The following PCM1 variants were observed in gnomAD, a reference collection of about 807,000 sequenced individuals.
PCM1 encodes the protein pericentriolar material 1 protein.
Under a neutral mutation model 241.9 loss-of-function variants are expected in PCM1, and 157 were observed. The observed-to-expected ratio is 0.65, with a 90% CI of 0.57 to 0.74. The LOEUF is 0.74. PCM1 is among the 30% of genes least tolerant of loss of function. The pLI, the probability that PCM1 is intolerant of heterozygous loss-of-function variation, is 0.00. For missense variants in PCM1, 3,478 were observed against 2,360.1 expected (o/e 1.47, Z -9.81); for synonymous variants, 1,085 against 784.9 (o/e 1.38, Z -6.39).
intron 2 of PCM1, among the ~76,000 whole-genome samples, chr8:17,928,638 T>G (rs1347462018): frequency 7.0e-6 from 1 of 143,810 alleles, no homozygotes; most frequent in Non-Finnish European, 1.5e-5. Context: ...TTTTTTTTTT[T>G]TTTTTTAAAG....
chr8:17,951,296 G>T (rs1016129802), intron 8 of PCM1, among the ~76,000 whole-genome samples: 3 of 152,310 alleles, frequency 2.0e-5, no homozygotes, highest in Admixed American at 2.0e-4. Context: ...AAGTGAGTAT[G>T]ATTGAAGATG....
chr8:17,945,450 G>T (rs2063446396), intron 6 of PCM1, among the ~76,000 whole-genome samples: 1 of 152,102 alleles, frequency 6.6e-6, no homozygotes, highest in Non-Finnish European at 1.5e-5. Context: ...AGATAGTCTA[G>T]GATAGAGAGG....
intron 23 of PCM1, among the ~76,000 whole-genome samples, chr8:17,977,912 G>A (rs539770369): frequency 1.3e-5 from 2 of 152,254 alleles, no homozygotes; most frequent in South Asian, 4.2e-4. Context: ...TGAGAGTCAT[G>A]ACTAGGCCAG....
intron 2 of PCM1, among the ~76,000 whole-genome samples, chr8:17,934,052 T>A (rs894796340): frequency 7.2e-5 from 11 of 152,156 alleles, no homozygotes; most frequent in Non-Finnish European, 1.6e-4. Context: ...TTATCATTTT[T>A]ATTTTGAGAT....
intron 36 of PCM1, among the ~76,000 whole-genome samples, chr8:18,022,567 A>T (rs1296158213): frequency 6.6e-6 from 1 of 152,226 alleles, no homozygotes; most frequent in African/African-American, 2.4e-5. Flanking sequence ...TGGTTGACTG[A>T]CTTCGCACTG....
At chr8:17,929,262 T>A (rs2058198758) in intron 2 of PCM1, among the ~76,000 whole-genome samples, 1 of 152,200 alleles carries the variant, frequency 6.6e-6, no homozygotes, top group Admixed American at 6.5e-5. Flanking sequence ...TTTCCCCTTT[T>A]GGCAGGCTCT....
In PCM1 at chr8:17,958,245, C is replaced by A. The variant is rs114138918; in HGVS notation, c.2040+470C>A. The stretch of plus-strand genomic sequence containing the variant: ...ATCTTAATTGCCGAAGTTTATATGA[C>A]TGTCCAATCCAGAATTCAGACTTCC... On this transcript the variant is annotated intron_variant, in intron 13 of 38. Coordinates refer to ENST00000325083, the MANE Select transcript of PCM1 (RefSeq NM_006197.4). Among the ~76,000 whole-genome samples the A allele has an allele frequency of 3.2e-3, 484 of 152,252 alleles. 2 individuals are homozygous for A. Among genetic ancestry groups the A allele is most frequent in the African/African-American group, 9.9e-3 (411 of 41,548 alleles).
intron 23 of PCM1, among the ~76,000 whole-genome samples, chr8:17,975,728 T>A (rs1234493643): frequency 6.6e-6 from 1 of 152,216 alleles, no homozygotes; most frequent in Non-Finnish European, 1.5e-5. Context: ...TGACATTCTT[T>A]CAGAAGTAGC....
At position 17,956,756 on chromosome 8, in the gene PCM1, C is replaced by T. The variant is rs377493474; in HGVS notation, c.1625C>T (p.Ser542Phe). The T allele has an allele frequency of 1.2e-4, 189 of 1,608,604 alleles. 1 individual carries two copies. In the African/African-American group the frequency reaches 2.2e-3, roughly 19 times the overall value. Residue 542 changes from serine to phenylalanine, a missense_variant, in exon 11 of 39, where the codon TCC becomes TTC. Ser to Phe is a radical substitution (Grantham distance 155, BLOSUM62 -2). Transcript: ENST00000325083. ...ESEYDSEHENSEPVTNIRNPQ... is the reference protein window; with the variant it reads ...ESEYDSEHENFEPVTNIRNPQ... Reference sequence around the variant, plus strand: ...GAATATGATTCTGAGCATGAAAATTCCGAGCCTGTTACTAACATTCGGTAA... The same window carrying T: ...GAATATGATTCTGAGCATGAAAATTTCGAGCCTGTTACTAACATTCGGTAA...
chr8:18,014,069 A>T, intron 35 of PCM1, 33 bp downstream of exon 35: 1 of 1,167,462 alleles, frequency 8.6e-7, no homozygotes, highest in Non-Finnish European at 1.2e-6. Flanking sequence ...TGATTTTAAG[A>T]TAATTTCCTT....
intron 13 of PCM1, 59 bp from the exon 14 acceptor site, chr8:17,959,955 A>G (rs548048547): frequency 3.4e-5 from 51 of 1,497,402 alleles, no homozygotes; most frequent in South Asian, 2.8e-4. Context: ...TTACTAAGGT[A>G]TGAATTGGAT....
chr8:17,928,911 C>T (rs1001731747), intron 2 of PCM1, among the ~76,000 whole-genome samples: 1 of 152,086 alleles, frequency 6.6e-6, no homozygotes, highest in African/African-American at 2.4e-5. Flanking sequence ...GTATTACAGG[C>T]GTGAGCCACC....
chr8:17,951,821 G>C (rs938191682), intron 8 of PCM1, among the ~76,000 whole-genome samples: 1 of 152,118 alleles, frequency 6.6e-6, no homozygotes, highest in Non-Finnish European at 1.5e-5. Context: ...TAAAATAATT[G>C]ATGCAAATAT....
At chr8:17,924,329 GCAAA>G (rs1266889799) in intron 1 of PCM1, among the ~76,000 whole-genome samples, 1 of 152,188 alleles carries the variant, frequency 6.6e-6, no homozygotes, top group Non-Finnish European at 1.5e-5. Flanking sequence ...TTTTAAATGA[GCAAA>G]CATTTTTAAA....
chr8:17,983,610 G>A (rs183659246), intron 24 of PCM1, among the ~76,000 whole-genome samples: 3 of 152,132 alleles, frequency 2.0e-5, no homozygotes, highest in South Asian at 2.1e-4. Flanking sequence ...GTATTTCTTA[G>A]ACCTAGAAAT....
Position 17,969,523 on chromosome 8 carries a change from T to A in PCM1, c.3413-54T>A, listed in dbSNP as rs1418212752. On this transcript the variant is annotated intron_variant, in intron 21 of 38. Transcript: ENST00000325083. ...TTAAAACTGTCTTTTAATTTCATTT[T>A]AAAGCTAAAGACATTTATTTATTTT... 5 of 1,283,556 alleles carry A rather than the reference T, an allele frequency of 3.9e-6. No individual in the cohort carries two copies. The African/African-American group carries it at 6.1e-5, about 16-fold the overall frequency. 79.5% of individuals were successfully genotyped at this position (1,283,556 alleles called of 1,614,324 possible). A position where few individuals can be genotyped will look rare whatever the true frequency, so the allele number is the denominator to read the frequency against.
At chr8:17,997,867 C>T (rs1180466059) in intron 29 of PCM1, among the ~76,000 whole-genome samples, 1 of 144,752 alleles carries the variant, frequency 6.9e-6, no homozygotes, top group African/African-American at 2.6e-5. Flanking sequence ...TCTACTACAA[C>T]ATACAAAAAA....
intron 27 of PCM1, among the ~76,000 whole-genome samples, chr8:17,991,014 C>A (rs1309656386): frequency 2.6e-5 from 4 of 151,652 alleles, no homozygotes; most frequent in Non-Finnish European, 5.9e-5. Flanking sequence ...CAGAATACTT[C>A]GACTCCTACG....
rs1171832656 is a variant in PCM1, at chr8:17,966,459, G to C, written c.3207G>C (p.Gln1069His). ...GCTATACTCAGCTAACATGGCAACA[G>C]AATAATGTTCAGAGGTAATCTGTTT... ...NQCYTQLTWQ[Q>H]NNVQRLKQML... is the part of the protein sequence containing the mutation. Residue 1069 changes from glutamine to histidine, a missense_variant, in exon 20 of 39, where the codon CAG (glutamine) becomes CAC (histidine). Coordinates refer to ENST00000325083, the MANE Select transcript of PCM1 (RefSeq NM_006197.4). The C allele has an allele frequency of 4.3e-6, 7 of 1,613,558 alleles. No individual in the cohort carries two copies. In the African/African-American group the frequency reaches 8.0e-5, roughly 18 times the overall value.
Sources: allele counts gnomAD v4.1 joint callset (sites outside exome capture counted in the v4.1 genomes callset), GRCh38; gene constraint gnomAD v4.1.1; transcripts MANE v1.5; gene names NCBI Gene and HGNC (gene_info 2026-07-23, HGNC 2026-07-21).